Variants in FAM185A observed in about 807,000 individuals in gnomAD.
The protein encoded by FAM185A is family with sequence similarity 185 member A, also known as protein FAM185A.
In FAM185A, 21 loss-of-function variants were observed where a neutral mutation model predicts 45.7. The ratio of observed to expected loss-of-function variants is 0.46; its 90% CI spans 0.33 to 0.66. FAM185A has a LOEUF of 0.66. Among genes scored for constraint, FAM185A ranks in the 30% least tolerant of loss-of-function variants. The pLI is 0.03. For synonymous variants in FAM185A, 117 were observed against 194.0 expected, an observed-to-expected ratio of 0.60 and a Z score of 3.30; for missense variants, 305 against 485.4, an observed-to-expected ratio of 0.63 and a Z score of 3.49.
At chr7:102,824,326 T>G in the FAM185A span, among the ~76,000 whole-genome samples, 69 of 152,326 alleles carry the variant, frequency 4.5e-4, no homozygotes, top group African/African-American at 1.7e-3. Flanking sequence ...AGAAATAATA[T>G]AAGCACATTG....
At chr7:102,779,326 G>GTTTTGGTAGGTGGT (rs1326770376) in intron 6 of FAM185A, among the ~76,000 whole-genome samples, 5 of 152,114 alleles carry the variant, frequency 3.3e-5, no homozygotes, top group African/African-American at 1.2e-4. Flanking sequence ...CAGTAATGGA[G>GTTTTGGTAGGTGGT]TTTTGGTAGG....
intron 3 of FAM185A, among the ~76,000 whole-genome samples, chr7:102,758,782 G>C (rs1260027739): frequency 6.6e-6 from 1 of 151,988 alleles, no homozygotes. Context: ...AATTAAACAA[G>C]ATAGACTATA....
the FAM185A span, among the ~76,000 whole-genome samples, chr7:102,829,784 C>T: frequency 2.0e-5 from 3 of 152,184 alleles, no homozygotes; most frequent in African/African-American, 7.2e-5. Context: ...CACCTGTGGA[C>T]TTTTGGGAAA....
the FAM185A span, among the ~76,000 whole-genome samples, chr7:102,838,836 G>T: frequency 9.8e-5 from 15 of 152,308 alleles, no homozygotes; most frequent in South Asian, 3.1e-3. Flanking sequence ...GGAAAGCTGG[G>T]TATTGTCCAA....
At chr7:102,752,594 T>TA (rs1793437226) in intron 2 of FAM185A, among the ~76,000 whole-genome samples, 1 of 150,788 alleles carries the variant, frequency 6.6e-6, no homozygotes, top group African/African-American at 2.5e-5. Context: ...TTTTTTTTTT[T>TA]AGTGTTTTCT....
chr7:102,822,042 G>T, the FAM185A span: 3 of 1,614,140 alleles, frequency 1.9e-6, no homozygotes, highest in Non-Finnish European at 1.7e-6. Context: ...ATACTTACTT[G>T]GAAATATTTG....
intron 4 of FAM185A, among the ~76,000 whole-genome samples, chr7:102,772,015 A>G (rs1290085763): frequency 1.4e-5 from 2 of 146,140 alleles, no homozygotes; most frequent in African/African-American, 5.1e-5. Flanking sequence ...TTTCCATACC[A>G]TATTTTAGTG....
At chr7:102,829,206 C>T in the FAM185A span, among the ~76,000 whole-genome samples, 1 of 152,332 alleles carries the variant, frequency 6.6e-6, no homozygotes, top group African/African-American at 2.4e-5. Flanking sequence ...TTTCCTGAGC[C>T]TTGGGAAACA....
At chr7:102,757,241 C>T (rs932917343) in intron 2 of FAM185A, among the ~76,000 whole-genome samples, 4 of 151,558 alleles carry the variant, frequency 2.6e-5, no homozygotes, top group African/African-American at 4.9e-5. Flanking sequence ...TCCTTCAGAC[C>T]GGTCCAGCGT....
the FAM185A span, among the ~76,000 whole-genome samples, chr7:102,826,726 T>C: frequency 0.017 from 269 of 15,902 alleles, 3 homozygotes; most frequent in African/African-American, 0.11. Flanking sequence ...CCCTGTCTCA[T>C]ATATATATAT....
the FAM185A span, among the ~76,000 whole-genome samples, chr7:102,835,770 C>T: frequency 2.7e-5 from 4 of 149,140 alleles, no homozygotes; most frequent in Non-Finnish European, 4.4e-5. Context: ...CCACTACGCC[C>T]GGCTAATTTT....
downstream of FAM185A, chr7:102,813,667 A>AGAGT: frequency 1.2e-6 from 1 of 841,454 alleles, no homozygotes; most frequent in Non-Finnish European, 1.9e-6. Context: ...TGCCTTGCTG[A>AGAGT]GAGTGAGGAT....
intron 7 of FAM185A, among the ~76,000 whole-genome samples, chr7:102,797,980 T>C (rs1796539742): frequency 6.6e-6 from 1 of 152,218 alleles, no homozygotes; most frequent in Admixed American, 6.5e-5. Flanking sequence ...CCTGTCTTTG[T>C]TGATATTTAG....
In FAM185A at chr7:102,749,026, G is replaced by T; in HGVS notation, c.-182G>T. 1.1e-6 allele frequency: 1 copy of T among 946,694 alleles called. No homozygotes were observed. The highest frequency in any genetic ancestry group is 1.7e-6 in the Non-Finnish European group (1 of 605,198). The allele number at this position is 946,694 out of a possible 1,614,324, so 58.6% of individuals were successfully genotyped here. A position where few individuals can be genotyped will look rare whatever the true frequency, so the allele number is the denominator to read the frequency against. ...AGCTTTCAAATCCCAACTTGCCCCT[G>T]GGGATTGCGCGGCTGATGTTTAGAA... On this transcript the variant is annotated 5_prime_UTR_variant, in exon 1 of 8. Transcript: ENST00000413034.
At chr7:102,767,207 T>C (rs1289385806) in intron 4 of FAM185A, among the ~76,000 whole-genome samples, 5 of 150,588 alleles carry the variant, frequency 3.3e-5, no homozygotes, top group African/African-American at 1.2e-4. Flanking sequence ...ATATTGATAT[T>C]TACTACAGTG....
the FAM185A span, among the ~76,000 whole-genome samples, chr7:102,822,658 A>G: frequency 2.8e-3 from 429 of 152,362 alleles, no homozygotes; most frequent in Non-Finnish European, 4.2e-3. Context: ...AAAATCAGAC[A>G]CTTGCATATT....
At chr7:102,817,558 T>C in the FAM185A span, among the ~76,000 whole-genome samples, 1 of 152,188 alleles carries the variant, frequency 6.6e-6, no homozygotes, top group African/African-American at 2.4e-5. Context: ...CTTTACTCTG[T>C]TGATAGTTTC....
chr7:102,813,187 G>T, downstream of FAM185A: 1 of 715,496 alleles, frequency 1.4e-6, no homozygotes, highest in Non-Finnish European at 2.3e-6. Context: ...AACTACTGAT[G>T]TGTTTGGAAA....
chr7:102,812,997 C>G (rs951332717), downstream of FAM185A, among the ~76,000 whole-genome samples: 14 of 152,006 alleles, frequency 9.2e-5, no homozygotes, highest in Non-Finnish European at 1.9e-4. Context: ...CGCCCACCAC[C>G]ACACCCGGCT....
Sources: allele counts gnomAD v4.1 joint callset (sites outside exome capture counted in the v4.1 genomes callset), GRCh38; gene constraint gnomAD v4.1.1; transcripts MANE v1.5; gene names NCBI Gene and HGNC (gene_info 2026-07-23, HGNC 2026-07-21).